The following SLC24A2 variants were observed in gnomAD, a reference collection of about 807,000 sequenced individuals.
SLC24A2 encodes the protein solute carrier family 24 member 2, also known as sodium/potassium/calcium exchanger 2.
In SLC24A2, 36 loss-of-function variants were observed where a neutral mutation model predicts 62.0. The observed-to-expected ratio is 0.58, with a 90% CI of 0.44 to 0.77. SLC24A2 has a LOEUF of 0.77. SLC24A2 is among the 30% of genes least tolerant of loss of function. The probability of loss-of-function intolerance (pLI) is 0.00; values close to 1 mark genes in which losing one functional copy is unlikely to be tolerated. For missense variants in SLC24A2, 846 were observed against 817.9 expected (o/e 1.03, Z -0.42); for synonymous variants, 358 against 294.0 (o/e 1.22, Z -2.23).
chr9:19,566,474 G>A (rs1023852882), intron 7 of SLC24A2, among the ~76,000 whole-genome samples: 8 of 150,538 alleles, frequency 5.3e-5, no homozygotes, highest in African/African-American at 2.0e-4. Context: ...AGGTGCTGGA[G>A]AGGATGTGGA....
chr9:19,721,322 C>A (rs971215834), intron 2 of SLC24A2, among the ~76,000 whole-genome samples: 1 of 152,146 alleles, frequency 6.6e-6, no homozygotes, highest in African/African-American at 2.4e-5. Context: ...TACAGTAACC[C>A]TTTTCATCAT....
chr9:19,818,292 C>CT, the SLC24A2 span, among the ~76,000 whole-genome samples: 1 of 152,036 alleles, frequency 6.6e-6, no homozygotes, highest in Non-Finnish European at 1.5e-5. Flanking sequence ...GTGTGGCTAG[C>CT]TAGGAGAGCC....
the SLC24A2 span, among the ~76,000 whole-genome samples, chr9:20,212,216 AC>A: frequency 2.6e-5 from 4 of 151,890 alleles, no homozygotes; most frequent in African/African-American, 9.7e-5. Context: ...TAGGCACAAG[AC>A]AAAAAGTATA....
the SLC24A2 span, among the ~76,000 whole-genome samples, chr9:19,906,161 G>A: frequency 6.6e-6 from 1 of 152,134 alleles, no homozygotes; most frequent in African/African-American, 2.4e-5. Flanking sequence ...CTAGAACTCA[G>A]GATTAAGAAA....
the SLC24A2 span, among the ~76,000 whole-genome samples, chr9:19,819,277 A>C: frequency 2.0e-5 from 3 of 152,192 alleles, no homozygotes; most frequent in Non-Finnish European, 4.4e-5. Flanking sequence ...ACCCTCCTAG[A>C]CATTGGCTTA....
At chr9:19,828,391 T>G in the SLC24A2 span, among the ~76,000 whole-genome samples, 1 of 152,132 alleles carries the variant, frequency 6.6e-6, no homozygotes, top group African/African-American at 2.4e-5. Context: ...AAACATCACA[T>G]GCACCCCATA....
At chr9:19,911,371 T>G in the SLC24A2 span, among the ~76,000 whole-genome samples, 1 of 152,282 alleles carries the variant, frequency 6.6e-6, no homozygotes, top group Admixed American at 6.5e-5. Flanking sequence ...AGTGCCGCAA[T>G]AAACATACGT....
At chr9:20,249,062 T>G in the SLC24A2 span, among the ~76,000 whole-genome samples, 21 of 152,260 alleles carry the variant, frequency 1.4e-4, no homozygotes, top group East Asian at 3.9e-3. Context: ...TAAAGCAGAT[T>G]CTGGAATCAG....
At chr9:20,013,536 G>T in the SLC24A2 span, among the ~76,000 whole-genome samples, 1 of 152,136 alleles carries the variant, frequency 6.6e-6, no homozygotes, top group Non-Finnish European at 1.5e-5. Flanking sequence ...AAAAGCACAG[G>T]CAACAACGCA....
chr9:20,275,554 TC>T, the SLC24A2 span, among the ~76,000 whole-genome samples: 2 of 152,172 alleles, frequency 1.3e-5, no homozygotes, highest in Admixed American at 1.3e-4. Context: ...CCCACTCACC[TC>T]CCAGCTCTGA....
chr9:20,113,309 G>A, the SLC24A2 span, among the ~76,000 whole-genome samples: 1 of 152,270 alleles, frequency 6.6e-6, no homozygotes, highest in East Asian at 1.9e-4. Context: ...GCTGTGAAAA[G>A]TGACTTCAAT....
chr9:20,006,200 TAAGC>T, the SLC24A2 span, among the ~76,000 whole-genome samples: 11 of 151,810 alleles, frequency 7.2e-5, no homozygotes, highest in East Asian at 2.1e-3. Flanking sequence ...ATTTAAAAAT[TAAGC>T]AAATAAAAAT....
chr9:20,307,405 GTCC>G, the SLC24A2 span, among the ~76,000 whole-genome samples: 3 of 152,182 alleles, frequency 2.0e-5, no homozygotes, highest in African/African-American at 4.8e-5. Flanking sequence ...CTGCGACTTT[GTCC>G]TCCTGAAAAC....
chr9:20,043,008 A>C, the SLC24A2 span, among the ~76,000 whole-genome samples: 1 of 152,062 alleles, frequency 6.6e-6, no homozygotes, highest in African/African-American at 2.4e-5. Flanking sequence ...TATTTCCTAG[A>C]CACGATATGG....
At chr9:19,770,656 C>T (rs2118891033) in intron 2 of SLC24A2, among the ~76,000 whole-genome samples, 1 of 152,222 alleles carries the variant, frequency 6.6e-6, no homozygotes, top group South Asian at 2.1e-4. Flanking sequence ...GCATAGGTAA[C>T]TTGTAAAATA....
At chr9:20,248,898 A>G in the SLC24A2 span, among the ~76,000 whole-genome samples, 2,532 of 152,274 alleles carry the variant, frequency 0.017, 28 homozygotes, top group Non-Finnish European at 0.023. Flanking sequence ...TGTTTCCTCC[A>G]GAGATATATT....
the SLC24A2 span, among the ~76,000 whole-genome samples, chr9:20,128,161 G>A: frequency 6.6e-6 from 1 of 152,216 alleles, no homozygotes; most frequent in African/African-American, 2.4e-5. Context: ...GAAAGAAAGG[G>A]TAGGAAAGGC....
At chr9:19,999,657 A>G in the SLC24A2 span, among the ~76,000 whole-genome samples, 1 of 152,144 alleles carries the variant, frequency 6.6e-6, no homozygotes, top group Non-Finnish European at 1.5e-5. Context: ...CAGGGTAATT[A>G]CTCATCACGG....
At chr9:20,272,509 C>G in the SLC24A2 span, among the ~76,000 whole-genome samples, 1 of 152,194 alleles carries the variant, frequency 6.6e-6, no homozygotes, top group African/African-American at 2.4e-5. Flanking sequence ...GAAGATTAAA[C>G]AAGACCCTAT....
Sources: allele counts gnomAD v4.1 joint callset (sites outside exome capture counted in the v4.1 genomes callset), GRCh38; gene constraint gnomAD v4.1.1; transcripts MANE v1.5; gene names NCBI Gene and HGNC (gene_info 2026-07-23, HGNC 2026-07-21).